The following DENND2C variants were observed in gnomAD, a reference collection of about 807,000 sequenced individuals.
DENND2C encodes DENN domain-containing protein 2C.
Under a neutral mutation model 112.4 loss-of-function variants are expected in DENND2C, and 72 were observed. The observed-to-expected ratio is 0.64, with a 90% CI of 0.53 to 0.78. The LOEUF (loss-of-function observed/expected upper bound fraction) is 0.78. Ranked by LOEUF, DENND2C falls within the 30% of genes least tolerant of loss-of-function variation. The pLI is 0.00. For synonymous variants in DENND2C, 329 were observed against 381.6 expected, an observed-to-expected ratio of 0.86 and a Z score of 1.61; for missense variants, 992 against 1,113.8, an observed-to-expected ratio of 0.89 and a Z score of 1.56.
intron 17 of DENND2C, 46 bp from the exon 18 acceptor site, chr1:114,594,624 A>T: frequency 6.6e-7 from 1 of 1,518,490 alleles, no homozygotes; most frequent in Non-Finnish European, 9.1e-7. Flanking sequence ...TTGAGATTTG[A>T]GGGATTAAGT....
intron 7 of DENND2C, 32 bp downstream of exon 7, chr1:114,621,863 G>A (rs1187163428): frequency 2.6e-6 from 4 of 1,548,904 alleles, no homozygotes; most frequent in Non-Finnish European, 3.5e-6. Flanking sequence ...GCTGAAGTAA[G>A]AGTCAAAGAA....
intron 3 of DENND2C, among the ~76,000 whole-genome samples, chr1:114,639,787 G>A (rs1440252583): frequency 6.7e-6 from 1 of 149,202 alleles, no homozygotes; most frequent in African/African-American, 2.5e-5. Context: ...TCGGCTCACT[G>A]CAACTTCGGC....
At chr1:114,616,030 G>C (rs949600857) in intron 8 of DENND2C, among the ~76,000 whole-genome samples, 1 of 152,012 alleles carries the variant, frequency 6.6e-6, no homozygotes, top group African/African-American at 2.4e-5. Context: ...AGCCGAGATC[G>C]CACTACTGGA....
Position 114,618,468 on chromosome 1 carries a change from T to A in DENND2C, c.1242A>T (p.Ile414=). The change falls in exon 8 of 21, where the codon ATA becomes ATT. Residue 414 remains isoleucine (I), a synonymous_variant. Transcript: ENST00000393274. ...CTCTTTTAGATTCAAATATGTCATCTATTTTCAATACAAGCTGAAAAAAGA... is the reference window on the plus strand; with the variant it reads ...CTCTTTTAGATTCAAATATGTCATCAATTTTCAATACAAGCTGAAAAAAGA... ...RKNLPRLVLK[I]DDIFESKRGK... 6.3e-7 allele frequency: 1 copy of A among 1,577,570 alleles called. No individual in the cohort carries two copies. Among genetic ancestry groups the A allele is most frequent in the Non-Finnish European group, 8.6e-7 (1 of 1,164,524 alleles).
chr1:114,632,734 GT>G (rs146384693), intron 3 of DENND2C, among the ~76,000 whole-genome samples: 1 of 151,708 alleles, frequency 6.6e-6, no homozygotes, highest in African/African-American at 2.4e-5. Context: ...AACTTGTGGG[GT>G]TTTTTTTAAA....
rs1657625107 is a variant in DENND2C, at chr1:114,665,545, A to C, written c.-574+4438T>G. ...TAACTTATGATGGGGTTACATTCGG[A>C]TAAACCCTTCGTAAGTTTATCACAT... On this transcript the variant is annotated intron_variant, in intron 1 of 20. Coordinates refer to ENST00000393274, the MANE Select transcript of DENND2C (RefSeq NM_001256404.2). Among the ~76,000 whole-genome samples, 10 of 152,198 alleles carry C rather than the reference A, an allele frequency of 6.6e-5. No homozygotes were observed. The South Asian group carries it at 2.1e-3, about 32-fold the overall frequency.
At position 114,622,989 on chromosome 1, in the gene DENND2C, T is replaced by C. The variant is rs1302214747; in HGVS notation, c.1054A>G (p.Lys352Glu). 6.2e-7 allele frequency: 1 copy of C among 1,608,998 alleles called. No individual in the cohort carries two copies. Among genetic ancestry groups the C allele is most frequent in the Non-Finnish European group, 8.5e-7 (1 of 1,176,556 alleles). ...TTCAATTCATTATCTGGTTATACCT[T>C]GGGTGCTTTAAAAGCACTTTTAGCG... is the stretch of plus-strand genomic sequence containing the variant. ...PPAKSAFKAP[K>E]LPPKPQFLHR... Residue 352 changes from lysine (K) to glutamate (E), a missense_variant and splice_region_variant, in exon 6 of 21, where the codon AAG becomes GAG. Physicochemically the swap from Lys to Glu is moderately conservative, Grantham distance 56. Transcript: ENST00000393274.
chr1:114,625,156 TTATC>T lies in DENND2C; in HGVS notation c.806+19_806+22del. 3.2e-6 allele frequency: 5 copies of T among 1,565,174 alleles called. No individual in the cohort carries two copies. The highest frequency in any genetic ancestry group is 3.4e-6 in the Non-Finnish European group (4 of 1,160,668). ...CTGTAAGGAAAATACCTACAAGTCT[TTATC>T]TGTAGGATAAAAACATACCTTTTAG... On this transcript the variant is annotated intron_variant, in intron 4 of 20. Transcript: ENST00000393274.
chr1:114,660,465 C>T (rs1051251909), intron 1 of DENND2C, among the ~76,000 whole-genome samples: 3 of 152,160 alleles, frequency 2.0e-5, no homozygotes, highest in African/African-American at 7.2e-5. Context: ...CCTGGACATT[C>T]AGAAGAAAGC....
intron 1 of DENND2C, among the ~76,000 whole-genome samples, chr1:114,666,007 A>G (rs541877842): frequency 3.3e-4 from 50 of 152,330 alleles, no homozygotes; most frequent in Non-Finnish European, 6.9e-4. Flanking sequence ...CAAACTCAAC[A>G]TGAATTCAAA....
Position 114,602,153 on chromosome 1 carries a change from C to T in DENND2C, c.1709G>A (p.Arg570Gln), listed in dbSNP as rs376157870. ...SFVLTGEDGS[R>Q]WFGYCKKLLP... ...GAGCTTCTTACAGTAACCAAACCAC[C>T]GGCTTCCATCTTCACCAGTCAAGAC... Residue 570 changes from arginine to glutamine, a missense_variant, in exon 12 of 21, where the codon CGG becomes CAG. By Grantham distance (43) the Arg-to-Gln change is conservative. Around this residue, in one of 3 missense-constraint regions of DENND2C, gnomAD observed 516 missense variants for 623.6 expected, o/e 0.83. Transcript: ENST00000393274. The T allele has an allele frequency of 3.1e-5, 50 of 1,613,734 alleles. No individual in the cohort carries two copies. Among genetic ancestry groups the T allele is most frequent in the African/African-American group, 4.0e-5 (3 of 74,922 alleles).
Position 114,583,653 on chromosome 1 carries a change from C to T in DENND2C, c.*1947G>A, listed in dbSNP as rs1654962717. 6.6e-6 allele frequency: 1 copy of T among 151,682 alleles called. No individual in the cohort carries two copies. Among genetic ancestry groups the T allele is most frequent in the African/African-American group, 2.4e-5 (1 of 41,304 alleles). 9.4% of individuals were successfully genotyped at this position (151,682 alleles called of 1,614,324 possible). On this transcript the variant is annotated 3_prime_UTR_variant, in exon 21 of 21. Coordinates refer to ENST00000393274, the MANE Select transcript of DENND2C (RefSeq NM_001256404.2). ...GAAACCCCCGTCTCCACTAAAAGTACAAAATTAGCCAGGTGTGGTGGCGGG... is the reference window on the plus strand; with the variant it reads ...GAAACCCCCGTCTCCACTAAAAGTATAAAATTAGCCAGGTGTGGTGGCGGG...
At chr1:114,647,405 G>A (rs2101686201) in intron 2 of DENND2C, among the ~76,000 whole-genome samples, 1 of 151,488 alleles carries the variant, frequency 6.6e-6, no homozygotes, top group African/African-American at 2.4e-5. Flanking sequence ...CCGAGGCTGG[G>A]TGCGTGATCT....
At chr1:114,646,437 A>G (rs1656991949) in intron 2 of DENND2C, among the ~76,000 whole-genome samples, 1 of 152,178 alleles carries the variant, frequency 6.6e-6, no homozygotes, top group South Asian at 2.1e-4. Flanking sequence ...TGTGCGATAT[A>G]TTTTCATGAC....
chr1:114,589,902 G>A (rs1442946693), intron 18 of DENND2C, among the ~76,000 whole-genome samples: 3 of 151,966 alleles, frequency 2.0e-5, no homozygotes, highest in East Asian at 3.8e-4. Context: ...GACTCCAATG[G>A]CATTCTTCTT....
intron 2 of DENND2C, among the ~76,000 whole-genome samples, chr1:114,653,211 C>G (rs187173061): frequency 2.6e-5 from 4 of 152,024 alleles, no homozygotes; most frequent in African/African-American, 9.7e-5. Flanking sequence ...TGGGTTCAAT[C>G]GATTCTCTTG....
At chr1:114,623,783 T>C in intron 4 of DENND2C, 140 bp from the exon 5 acceptor site, 1 of 750,562 alleles carries the variant, frequency 1.3e-6, no homozygotes, top group Non-Finnish European at 2.0e-6. Context: ...TTGCATAGGC[T>C]AGAGTTCAGT....
chr1:114,595,753 C>T (rs1190033951), intron 17 of DENND2C, 79 bp downstream of exon 17: 1 of 1,320,480 alleles, frequency 7.6e-7, no homozygotes, highest in East Asian at 2.3e-5. Context: ...TCTCTAAGTA[C>T]TTTCACATAT....
intron 3 of DENND2C, among the ~76,000 whole-genome samples, chr1:114,633,901 C>T (rs1168156203): frequency 6.6e-6 from 1 of 152,160 alleles, no homozygotes; most frequent in African/African-American, 2.4e-5. Flanking sequence ...TAAAAAAATG[C>T]ACTTTGAATA....
Sources: gnomAD v4.1 joint callset for allele counts (sites outside exome capture counted in the v4.1 genomes callset) on GRCh38, gnomAD v4.1.1 for gene constraint, gnomAD v4.1.1 regional missense constraint, MANE v1.5 for transcripts, NCBI Gene and HGNC (gene_info 2026-07-23, HGNC 2026-07-21) for gene names.